The following PCDHGB2 variants were observed in gnomAD, a reference collection of about 807,000 sequenced individuals.
The protein encoded by PCDHGB2 is protocadherin gamma subfamily B, 2.
PCDHGB2 carries 55 observed loss-of-function variants against 59.3 expected under a neutral mutation model. The observed-to-expected ratio is 0.93, with a 90% confidence interval of 0.75 to 1.16. The LOEUF is 1.16. Among genes scored for constraint, PCDHGB2 ranks in the 50% most tolerant of loss-of-function variants. The pLI, the probability that PCDHGB2 is intolerant of heterozygous loss-of-function variation, is 0.00. For missense variants in PCDHGB2, 1,228 were observed against 1,198.5 expected, an observed-to-expected ratio of 1.02 and a Z score of -0.36; for synonymous variants, 516 against 512.0, an observed-to-expected ratio of 1.01 and a Z score of -0.11.
intron 1 of PCDHGB2, chr5:141,475,949 G>A: frequency 1.3e-6 from 1 of 758,910 alleles, no homozygotes; most frequent in South Asian, 1.9e-5. Flanking sequence ...TCCCCTTTCT[G>A]CGCCCCGGGA....
At chr5:141,395,029 A>G (rs1589250627) in intron 1 of PCDHGB2, 1 of 1,613,976 alleles carries the variant, frequency 6.2e-7, no homozygotes, top group Non-Finnish European at 8.5e-7. Context: ...CCTGCCTCAC[A>G]TTTTGTGGGT....
In PCDHGB2 at chr5:141,510,915, A is replaced by G; in HGVS notation, c.2570-32A>G. 8 of 1,613,786 alleles carry G rather than the reference A, an allele frequency of 5.0e-6. No individual in the cohort carries two copies. The South Asian group carries it at 8.8e-5, about 18-fold the overall frequency. ...AGTGACTGTTGAGGACCCTAAGTTT[A>G]GCTCCCACCTGATCTTCCTCTGTCT... On this transcript the variant is annotated intron_variant, in intron 3 of 3. Coordinates refer to ENST00000522605, the MANE Select transcript of PCDHGB2 (RefSeq NM_018923.3).
At chr5:141,364,454 G>A (rs1162340616) in intron 1 of PCDHGB2, 3 of 1,613,884 alleles carry the variant, frequency 1.9e-6, no homozygotes, top group East Asian at 4.5e-5. Flanking sequence ...GCTGGACAAA[G>A]GCTCCTTCGT....
Position 141,383,405 on chromosome 5 carries a change from G to A in PCDHGB2, c.2421+20849G>A, listed in dbSNP as rs189408749. 100 of 1,614,016 alleles carry A rather than the reference G, an allele frequency of 6.2e-5. No individual in the cohort carries two copies. In the Middle Eastern group the frequency reaches 9.9e-4, roughly 16 times the overall value. ...GATGTGGGCACGAACTCCCTCCAGA[G>A]TTACCAGCTCAGCCCCAATCGCCAC... On this transcript the variant is annotated intron_variant, in intron 1 of 3. Coordinates refer to ENST00000522605, the MANE Select transcript of PCDHGB2 (RefSeq NM_018923.3).
intron 1 of PCDHGB2, chr5:141,376,461 T>C: frequency 1.2e-6 from 2 of 1,614,210 alleles, no homozygotes; most frequent in South Asian, 1.1e-5. Flanking sequence ...CCTCTTCTGA[T>C]AACTCAGGAT....
At chr5:141,372,417 C>G in intron 1 of PCDHGB2, 1 of 1,614,062 alleles carries the variant, frequency 6.2e-7, no homozygotes, top group Non-Finnish European at 8.5e-7. Flanking sequence ...ACAACCTGAC[C>G]TTAGCGACCG....
rs1245735294 is a variant in PCDHGB2, at chr5:141,397,953, C to T, written c.2421+35397C>T. 6.2e-6 allele frequency: 6 copies of T among 961,992 alleles called. No homozygotes were observed. In the Admixed American group the frequency reaches 1.2e-4, roughly 19 times the overall value. The allele number at this position is 961,992 out of a possible 1,614,324, so 59.6% of individuals were successfully genotyped here. ...CCGCAGCGCGCTTTCCAGGGCAGCC[C>T]CAGCTCAGACTCCCCAGCGCCGGCC... On this transcript the variant is annotated intron_variant, in intron 1 of 3. Transcript: ENST00000522605.
chr5:141,466,822 G>A (rs1396286898), intron 1 of PCDHGB2, among the ~76,000 whole-genome samples: 4 of 152,046 alleles, frequency 2.6e-5, no homozygotes. Flanking sequence ...GGTATAACAA[G>A]TTAGTATGGG....
intron 1 of PCDHGB2, chr5:141,365,305 C>T (rs753864685): frequency 1.5e-5 from 24 of 1,613,808 alleles, no homozygotes; most frequent in Non-Finnish European, 1.9e-5. Flanking sequence ...AGGATGGAGG[C>T]GCTCTTGTTG....
rs1342408505 is a variant in PCDHGB2 at position 141,409,977 on chromosome 5, T to C, written c.2421+47421T>C. The C allele has an allele frequency of 1.2e-6, 2 of 1,613,300 alleles. No individual in the cohort carries two copies. Among genetic ancestry groups the C allele is most frequent in the African/African-American group, 2.7e-5 (2 of 75,026 alleles). ...CCCGGCTACCTAGTGACTAAGGTGGTAGCGGTGGACGCCGACTCGGGACAC... is the reference window on the plus strand; with the variant it reads ...CCCGGCTACCTAGTGACTAAGGTGGCAGCGGTGGACGCCGACTCGGGACAC... On this transcript the variant is annotated intron_variant, in intron 1 of 3. Transcript: ENST00000522605.
At position 141,487,570 on chromosome 5, in the gene PCDHGB2, T is replaced by A; in HGVS notation, c.2422-7237T>A. 6.2e-7 allele frequency: 1 copy of A among 1,614,178 alleles called. No homozygotes were observed. On this transcript the variant is annotated intron_variant, in intron 1 of 3. Transcript: ENST00000522605. The surrounding 1 kb of genome is among the most constrained non-coding windows in gnomAD (Gnocchi z 5.0). ...CCAGTGCACCTATGGCAGGGGAGCCTGTTCGCCCAAGCTGCCCACCCTCTG... is the reference window on the plus strand; with the variant it reads ...CCAGTGCACCTATGGCAGGGGAGCCAGTTCGCCCAAGCTGCCCACCCTCTG...
At chr5:141,508,896 C>A (rs1171693212) in intron 3 of PCDHGB2, among the ~76,000 whole-genome samples, 1 of 151,862 alleles carries the variant, frequency 6.6e-6, no homozygotes, top group Non-Finnish European at 1.5e-5. Context: ...GGGGAGGGGG[C>A]GGGGCGGTGG....
chr5:141,370,277 C>T, intron 1 of PCDHGB2: 1 of 847,602 alleles, frequency 1.2e-6, no homozygotes, highest in East Asian at 2.6e-5. Flanking sequence ...CGGAGACACC[C>T]ATTAGAGAAC....
intron 1 of PCDHGB2, chr5:141,370,520 CA>C: frequency 6.2e-7 from 1 of 1,613,870 alleles, no homozygotes; most frequent in Non-Finnish European, 8.5e-7. Flanking sequence ...AGGAGCTGGA[CA>C]GGGGCTCGCT....
chr5:141,372,704 A>G lies in PCDHGB2; in HGVS notation c.2421+10148A>G, dbSNP rs1768986926. The G allele has an allele frequency of 5.6e-6, 9 of 1,613,992 alleles. 1 individual carries two copies. The South Asian group carries it at 8.8e-5, about 16-fold the overall frequency. ...ACACCGAGTTTAAATTTCTCAATAT[A>G]AAGGCTGAAAATGCTGCACCACAAG... is the stretch of plus-strand genomic sequence containing the variant. On this transcript the variant is annotated intron_variant, in intron 1 of 3. Coordinates refer to ENST00000522605, the MANE Select transcript of PCDHGB2 (RefSeq NM_018923.3).
At chr5:141,472,980 C>CAAAAAA (rs60579131) in intron 1 of PCDHGB2, among the ~76,000 whole-genome samples, 7 of 86,100 alleles carry the variant, frequency 8.1e-5, no homozygotes, top group South Asian at 4.3e-4. Context: ...GAGTGAAACT[C>CAAAAAA]AAAAAAAAAA....
chr5:141,451,284 G>A (rs950768919), intron 1 of PCDHGB2, among the ~76,000 whole-genome samples: 1 of 152,186 alleles, frequency 6.6e-6, no homozygotes. Context: ...GAGTGCCTCT[G>A]CCTCAAAGTC....
In PCDHGB2 at chr5:141,386,024, TG is replaced by T. The variant is rs758923656; in HGVS notation, c.2421+23469del. The T allele has an allele frequency of 2.6e-5, 4 of 152,242 alleles. No homozygotes were observed. The East Asian group carries it at 5.8e-4, about 22-fold the overall frequency. 9.4% of individuals were successfully genotyped at this position (152,242 alleles called of 1,614,324 possible). On this transcript the variant is annotated intron_variant, in intron 1 of 3. Transcript: ENST00000522605. ...CATTTTAAGTGTTGTAATTGGCATTTGTGACATAGGCAATTACATGTTTTAA... is the reference window on the plus strand; with the variant it reads ...CATTTTAAGTGTTGTAATTGGCATTTTGACATAGGCAATTACATGTTTTAA...
rs374663576 is a variant in PCDHGB2 at position 141,489,905 on chromosome 5, G to A, written c.2422-4902G>A. The A allele has an allele frequency of 2.8e-4, 459 of 1,614,108 alleles. No homozygotes were observed. Among genetic ancestry groups the A allele is most frequent in the Non-Finnish European group, 3.4e-4 (405 of 1,180,054 alleles). On this transcript the variant is annotated intron_variant, in intron 1 of 3. Coordinates refer to ENST00000522605, the MANE Select transcript of PCDHGB2 (RefSeq NM_018923.3). The surrounding 1 kb of genome is among the most constrained non-coding windows in gnomAD (Gnocchi z 4.5). ...GCTGTGGATGGGGGGACCCCAGCCC[G>A]CTCAGGGACCACCCTTATCTCTGTC...
Sources: gnomAD v4.1 joint callset for allele counts (sites outside exome capture counted in the v4.1 genomes callset) on GRCh38, gnomAD v4.1.1 for gene constraint, Gnocchi (gnomAD v3.1) non-coding constraint, MANE v1.5 for transcripts, NCBI Gene and HGNC (gene_info 2026-07-23, HGNC 2026-07-21) for gene names.